DNMT1: variants seen among roughly 807,000 people sequenced by gnomAD.
The protein encoded by DNMT1 is DNA methyltransferase 1.
In DNMT1, 24 loss-of-function variants were observed where a neutral mutation model predicts 205.3. The observed-to-expected ratio is 0.12, with a 90% CI of 0.08 to 0.16. DNMT1 has a LOEUF of 0.16. Ranked by LOEUF, DNMT1 falls within the 10% of genes least tolerant of loss-of-function variation. DNMT1 has a pLI of 1.00. For synonymous variants in DNMT1, 817 were observed against 839.8 expected, an observed-to-expected ratio of 0.97 and a Z score of 0.47; for missense variants, 1,293 against 2,177.7, an observed-to-expected ratio of 0.59 and a Z score of 8.09.
At position 10,149,470 on chromosome 19, in the gene DNMT1, C is replaced by T. The variant is rs751754286; in HGVS notation, c.2569G>A (p.Glu857Lys). The change falls in exon 26 of 41, where the codon GAA becomes AAA. Residue 857 changes from glutamate (E) to lysine (K), a missense_variant. Glu to Lys is a moderately conservative substitution (Grantham distance 56). Transcript: ENST00000359526. ...GCACTCACCTCCATGGCCCAGTTTTCGGAGGGGGCTTTGTAGATGACTTTC... is the reference window on the plus strand; with the variant it reads ...GCACTCACCTCCATGGCCCAGTTTTTGGAGGGGGCTTTGTAGATGACTTTC... ...KVKVIYKAPS[E>K]NWAMEGGMDP... The T allele has an allele frequency of 6.8e-6, 11 of 1,613,976 alleles. No individual in the cohort carries two copies. The highest frequency in any genetic ancestry group is 1.6e-4 in the Middle Eastern group (1 of 6,084).
At chr19:10,184,799 C>T (rs2145394248) in intron 1 of DNMT1, among the ~76,000 whole-genome samples, 1 of 152,250 alleles carries the variant, frequency 6.6e-6, no homozygotes, top group Middle Eastern at 3.4e-3. Context: ...GAGAAGGTGC[C>T]CCAGGCAGGG....
chr19:10,183,125 ATT>A (rs201154797), intron 1 of DNMT1, among the ~76,000 whole-genome samples: 3 of 117,476 alleles, frequency 2.6e-5, no homozygotes, highest in African/African-American at 6.8e-5. Flanking sequence ...ATATATATAT[ATT>A]TTTTTTTTTT....
At chr19:10,148,810 C>CGGAA in intron 27 of DNMT1, 74 bp downstream of exon 27, 1 of 1,611,320 alleles carries the variant, frequency 6.2e-7, no homozygotes, top group South Asian at 1.1e-5. Context: ...GCCAACCAGA[C>CGGAA]GGAAGCACAC....
chr19:10,186,390 C>T (rs973504920), intron 1 of DNMT1, among the ~76,000 whole-genome samples: 4 of 151,952 alleles, frequency 2.6e-5, no homozygotes, highest in African/African-American at 4.8e-5. Context: ...GTGATGACAC[C>T]GATCACACCT....
intron 22 of DNMT1, among the ~76,000 whole-genome samples, chr19:10,152,726 A>C (rs762900360): frequency 6.6e-6 from 1 of 152,072 alleles, no homozygotes; most frequent in Non-Finnish European, 1.5e-5. Flanking sequence ...ATGCCACTGC[A>C]TTCCAGACTG....
intron 5 of DNMT1, chr19:10,178,667 T>G (rs1482636539): frequency 6.6e-6 from 1 of 152,212 alleles, no homozygotes; most frequent in African/African-American, 2.4e-5. Flanking sequence ...GGCAGGAGAA[T>G]GGCATGAACC....
chr19:10,181,615 G>A (rs1446973533), intron 2 of DNMT1, among the ~76,000 whole-genome samples: 1 of 151,268 alleles, frequency 6.6e-6, no homozygotes, highest in Non-Finnish European at 1.5e-5. Flanking sequence ...GGCAGATCAC[G>A]AGCAGGCGTT....
Position 10,165,700 on chromosome 19 carries a change from C to A in DNMT1, c.891+898G>T, listed in dbSNP as rs1043269173. On this transcript the variant is annotated intron_variant, in intron 11 of 40. Transcript: ENST00000359526. The stretch of plus-strand genomic sequence containing the variant: ...GAGCCACCATGCCCAGCCCTCACAT[C>A]CCTTTCTACCATGAGGCAAAAGTGC... 5.3e-5 allele frequency among the ~76,000 whole-genome samples: 8 copies of A among 152,268 alleles called. No individual in the cohort carries two copies. In the East Asian group the frequency reaches 1.5e-3, roughly 29 times the overall value.
chr19:10,143,148 G>A (rs1006661129), intron 29 of DNMT1, among the ~76,000 whole-genome samples: 1 of 152,218 alleles, frequency 6.6e-6, no homozygotes, highest in Non-Finnish European at 1.5e-5. Context: ...GAAGAGGTGG[G>A]GACAGCGGGA....
intron 5 of DNMT1, among the ~76,000 whole-genome samples, chr19:10,179,300 T>G (rs1284814112): frequency 6.6e-6 from 1 of 152,082 alleles, no homozygotes. Flanking sequence ...GATCTAATGC[T>G]GCAACTTGGT....
At chr19:10,163,050 C>T (rs749477507) in intron 12 of DNMT1, 34 of 563,672 alleles carry the variant, frequency 6.0e-5, no homozygotes, top group Admixed American at 3.1e-4. Context: ...CTGCAACCTC[C>T]ACCTCCTGGC....
At chr19:10,164,913 TAAAAAAAAAAAAAAAAAAAAA>T (rs535161745) in intron 11 of DNMT1, among the ~76,000 whole-genome samples, 117 of 34,040 alleles carry the variant, frequency 3.4e-3, no homozygotes, top group African/African-American at 9.3e-3. Flanking sequence ...GAGACTATCT[TAAAAAAAAAAAAAAAAAAAAA>T]AAAAAAAAAA....
At position 10,163,354 on chromosome 19, in the gene DNMT1, T is replaced by G. The variant is rs759143980; in HGVS notation, c.898A>C (p.Lys300Gln). 1.9e-5 allele frequency: 30 copies of G among 1,613,836 alleles called. 1 individual carries two copies. The Middle Eastern group carries it at 1.3e-3, about 71-fold the overall frequency. Residue 300 changes from lysine to glutamine, a missense_variant, in exon 12 of 41, where the codon AAG becomes CAG. Transcript: ENST00000359526. ...TCTTTGGGTTGACTTCTGTGCTTCT[T>G]CTCATCCTGACAGAAAAATAAGGGG... ...EDEDGDEKDE[K>Q]KHRSQPKDLA...
Position 10,163,502 on chromosome 19 carries a change from C to G in DNMT1, c.892-142G>C, listed in dbSNP as rs1199916713. On this transcript the variant is annotated intron_variant, in intron 11 of 40. Coordinates refer to ENST00000359526, the MANE Select transcript of DNMT1 (RefSeq NM_001130823.3). The stretch of plus-strand genomic sequence containing the variant: ...GAGCTGGAAGACAGGCAGGCCTGGG[C>G]AGATCTACCGGGTAGACACGAGGCT... 7.4e-5 allele frequency: 61 copies of G among 828,382 alleles called. 1 individual carries two copies. The highest frequency in any genetic ancestry group is 5.9e-5 in the Non-Finnish European group (29 of 495,358). The allele number at this position is 828,382 out of a possible 1,614,324, so 51.3% of individuals were successfully genotyped here.
Position 10,133,627 on chromosome 19 carries a change from G to A in DNMT1, c.*40C>T. ...AAACACAACATCAGTGCATGTTGGG[G>A]ATTCCTGGTGCCAGAAACAGGGGTG... On this transcript the variant is annotated 3_prime_UTR_variant, in exon 41 of 41. Transcript: ENST00000359526. This position sits in a 1 kb window ranked among gnomAD's most constrained non-coding sequence, Gnocchi z 4.1. 6.3e-7 allele frequency: 1 copy of A among 1,586,072 alleles called. No individual in the cohort carries two copies.
chr19:10,151,328 C>T lies in DNMT1; in HGVS notation c.2265+70G>A, dbSNP rs979796291. The T allele has an allele frequency of 5.6e-6, 9 of 1,600,072 alleles. No homozygotes were observed. In the East Asian group the frequency reaches 1.1e-4, roughly 20 times the overall value. On this transcript the variant is annotated intron_variant, in intron 24 of 40. Coordinates refer to ENST00000359526, the MANE Select transcript of DNMT1 (RefSeq NM_001130823.3). The surrounding 1 kb of genome is among the most constrained non-coding windows in gnomAD (Gnocchi z 5.0). ...CAGGCTGCCTGAGAGGTCAGGTTGG[C>T]GAGATACTAGAGGGCAACCTGCTTA...
chr19:10,181,164 G>C (rs914706772), intron 2 of DNMT1, among the ~76,000 whole-genome samples: 1 of 152,108 alleles, frequency 6.6e-6, no homozygotes, highest in Non-Finnish European at 1.5e-5. Flanking sequence ...GTAAAGTGTC[G>C]GCCAGGCACA....
intron 1 of DNMT1, among the ~76,000 whole-genome samples, chr19:10,192,103 C>T (rs182455246): frequency 9.9e-5 from 15 of 151,970 alleles, no homozygotes; most frequent in African/African-American, 2.7e-4. Context: ...GGATTACAGA[C>T]GTGAGCCACC....
In DNMT1 at chr19:10,175,570, A is replaced by T; in HGVS notation, c.618T>A (p.Asp206Glu). The T allele has an allele frequency of 6.2e-7, 1 of 1,613,986 alleles. No individual in the cohort carries two copies. The highest frequency in any genetic ancestry group is 1.1e-5 in the South Asian group (1 of 91,076). ...PQEESERAKS[D>E]ESIKEEDKDQ... The stretch of plus-strand genomic sequence containing the variant: ...CTTTGTCTTCTTCCTTGATGGACTC[A>T]TCCGATTTGGCTCTTTCAGACTCTT... Residue 206 changes from aspartate (D) to glutamate (E), a missense_variant, in exon 7 of 41, where the codon GAT becomes GAA. By Grantham distance (45) the Asp-to-Glu change is conservative. This residue lies in a region of DNMT1 where 394 missense variants were observed against 451.6 expected (regional missense o/e 0.87). Transcript: ENST00000359526.
Sources: gnomAD v4.1 joint callset for allele counts (sites outside exome capture counted in the v4.1 genomes callset) on GRCh38, gnomAD v4.1.1 for gene constraint, gnomAD v4.1.1 regional missense constraint, Gnocchi (gnomAD v3.1) non-coding constraint, MANE v1.5 for transcripts, NCBI Gene and HGNC (gene_info 2026-07-23, HGNC 2026-07-21) for gene names.